Variants in FBLN2 observed in about 807,000 individuals in gnomAD.
The protein encoded by FBLN2 is fibulin-2.
A neutral mutation model predicts 123.7 loss-of-function variants in FBLN2; 81 were observed. That is an observed-to-expected ratio of 0.65 (90% CI 0.55 to 0.79). The LOEUF (loss-of-function observed/expected upper bound fraction) is 0.79. FBLN2 is among the 30% of genes least tolerant of loss of function. The pLI is 0.00. For synonymous variants in FBLN2, 699 were observed against 701.4 expected, an observed-to-expected ratio of 1.00 and a Z score of 0.05; for missense variants, 1,603 against 1,681.3, an observed-to-expected ratio of 0.95 and a Z score of 0.81.
chr3:13,602,676 T>C (rs6771311), intron 2 of FBLN2, among the ~76,000 whole-genome samples: 63,107 of 152,040 alleles, frequency 0.42, 13,174 homozygotes, highest in Non-Finnish European at 0.43. Flanking sequence ...GGGAATTTTT[T>C]CCTATTAACT....
At chr3:13,625,551 C>A (rs1184065556) in intron 9 of FBLN2, among the ~76,000 whole-genome samples, 1 of 152,138 alleles carries the variant, frequency 6.6e-6, no homozygotes, top group Admixed American at 6.5e-5. Flanking sequence ...TCCCCTGCAG[C>A]CTACACCTCA....
chr3:13,560,061 A>G (rs923202185), intron 1 of FBLN2, among the ~76,000 whole-genome samples: 1 of 152,170 alleles, frequency 6.6e-6, no homozygotes, highest in Non-Finnish European at 1.5e-5. Flanking sequence ...GGGAAGGAAA[A>G]TACCAGCTCC....
chr3:13,612,542 G>A (rs1266265858), intron 4 of FBLN2, among the ~76,000 whole-genome samples: 14 of 151,892 alleles, frequency 9.2e-5, no homozygotes, highest in Middle Eastern at 3.4e-3. Context: ...CACCACGCCC[G>A]GCTGATTTTT....
chr3:13,638,369 A>G lies in FBLN2; in HGVS notation c.*450A>G. On this transcript the variant is annotated 3_prime_UTR_variant, in exon 18 of 18. Coordinates refer to ENST00000404922, the MANE Select transcript of FBLN2 (RefSeq NM_001004019.2). ...TGTACATTATATAAAAAAAAGTTCA[A>G]CTAGTATGAAAGGGTTATAAAGTAA... is the stretch of plus-strand genomic sequence containing the variant. 1 of 371,254 alleles carries G rather than the reference A, an allele frequency of 2.7e-6. No individual in the cohort carries two copies. The highest frequency in any genetic ancestry group is 5.0e-6 in the Non-Finnish European group (1 of 199,764). 23.0% of individuals were successfully genotyped at this position (371,254 alleles called of 1,614,324 possible).
intron 4 of FBLN2, 49 bp from the exon 5 acceptor site, chr3:13,613,935 T>C (rs755989543): frequency 4.4e-6 from 7 of 1,581,064 alleles, no homozygotes; most frequent in Middle Eastern, 3.4e-4. Context: ...TGAGCCTAGC[T>C]CCAGGCTGGG....
chr3:13,605,540 G>T (rs1370328679), intron 2 of FBLN2, among the ~76,000 whole-genome samples: 1 of 152,168 alleles, frequency 6.6e-6, no homozygotes, highest in African/African-American at 2.4e-5. Context: ...TGTGTATCCA[G>T]TCTATTGTTT....
intron 2 of FBLN2, among the ~76,000 whole-genome samples, chr3:13,603,825 A>G (rs983314126): frequency 3.3e-5 from 5 of 152,232 alleles, no homozygotes; most frequent in Non-Finnish European, 4.4e-5. Flanking sequence ...GTCTTCCACA[A>G]TGGTTGAACT....
chr3:13,594,544 A>G (rs1178430660), intron 2 of FBLN2, among the ~76,000 whole-genome samples: 1 of 152,104 alleles, frequency 6.6e-6, no homozygotes, highest in Non-Finnish European at 1.5e-5. Flanking sequence ...TAAACCCTGT[A>G]TGTTTAAACC....
In FBLN2 at chr3:13,609,548, A is replaced by T; in HGVS notation, c.1454A>T (p.Gln485Leu). ...AQRHCCVSYL[Q>L]EKSCMAGVLG... The stretch of plus-strand genomic sequence containing the variant: ...AGGCACTGCTGTGTCTCCTACTTGC[A>T]GGAGAAGAGCTGCATGGCCGGCGTC... The change falls in exon 4 of 18, where the codon CAG becomes CTG. Residue 485 changes from glutamine (Q) to leucine (L), a missense_variant. Transcript: ENST00000404922. 1.3e-6 allele frequency: 2 copies of T among 1,552,502 alleles called. No individual in the cohort carries two copies. Among genetic ancestry groups the T allele is most frequent in the Middle Eastern group, 3.6e-4 (2 of 5,594 alleles).
intron 4 of FBLN2, among the ~76,000 whole-genome samples, chr3:13,611,101 G>A (rs1028521691): frequency 6.6e-6 from 1 of 151,778 alleles, no homozygotes; most frequent in Admixed American, 6.6e-5. Context: ...TAGAGCATAC[G>A]CCACCATGCT....
At chr3:13,628,620 G>A (rs1340212958) in intron 11 of FBLN2, among the ~76,000 whole-genome samples, 4 of 152,204 alleles carry the variant, frequency 2.6e-5, no homozygotes, top group East Asian at 1.9e-4. Context: ...CCCCTGGCAC[G>A]TGGTTGGTGT....
At position 13,608,173 on chromosome 3, in the gene FBLN2, G is replaced by A. The variant is rs1574978825; in HGVS notation, c.1418G>A (p.Arg473Lys). 6.3e-7 allele frequency: 1 copy of A among 1,575,846 alleles called. No homozygotes were observed. The highest frequency in any genetic ancestry group is 1.2e-5 in the South Asian group (1 of 85,620). The stretch of plus-strand genomic sequence containing the variant: ...AGTGGCACTGAGGACAACGTCTGCA[G>A]GTAGGGTGGGCTCCCTGGAGCAGGC... ...PESGTEDNVC[R>K]TAQRHCCVSY... Residue 473 changes from arginine (R) to lysine (K), a missense_variant and splice_region_variant, in exon 3 of 18, where the codon AGG becomes AAG. Transcript: ENST00000404922.
rs537427450 is a variant in FBLN2 at position 13,550,752 on chromosome 3, C to T, written c.-42+1544C>T. 4.6e-5 allele frequency among the ~76,000 whole-genome samples: 7 copies of T among 152,274 alleles called. No individual in the cohort carries two copies. The East Asian group carries it at 5.8e-4, about 13-fold the overall frequency. ...CCCCTGGGGTGCACCCTTGACTTCC[C>T]GCCCTCCCCTTCTGCAGCTGAGCTG... On this transcript the variant is annotated intron_variant, in intron 1 of 17. Transcript: ENST00000404922.
chr3:13,585,680 C>T (rs1467186388), intron 2 of FBLN2, among the ~76,000 whole-genome samples: 1 of 152,126 alleles, frequency 6.6e-6, no homozygotes, highest in East Asian at 1.9e-4. Flanking sequence ...AATCCCAGCA[C>T]TTTGGGAGGC....
intron 1 of FBLN2, among the ~76,000 whole-genome samples, chr3:13,551,116 G>A (rs777191525): frequency 6.6e-6 from 1 of 152,208 alleles, no homozygotes; most frequent in Non-Finnish European, 1.5e-5. Flanking sequence ...TGCCTGGCCT[G>A]CGTGGCCTTT....
chr3:13,557,853 C>A (rs550399898), intron 1 of FBLN2, among the ~76,000 whole-genome samples: 1 of 152,362 alleles, frequency 6.6e-6, no homozygotes, highest in South Asian at 2.1e-4. Flanking sequence ...TGCCCAGCAG[C>A]CTAGTGGCAG....
chr3:13,617,605 ATCCATCC>A (rs1389501399), intron 5 of FBLN2, among the ~76,000 whole-genome samples: 1 of 142,346 alleles, frequency 7.0e-6, no homozygotes, highest in Non-Finnish European at 1.5e-5. Context: ...CCATCCATCC[ATCCATCC>A]ATCCATCCAC....
At chr3:13,630,656 C>T (rs1172492506) in intron 14 of FBLN2, 43 bp from the exon 15 acceptor site, 4 of 1,501,794 alleles carry the variant, frequency 2.7e-6, no homozygotes, top group East Asian at 2.4e-5. Flanking sequence ...CTCTCCAAGG[C>T]AGACTTGGGC....
intron 16 of FBLN2, among the ~76,000 whole-genome samples, chr3:13,635,440 C>T (rs9838270): frequency 0.86 from 131,188 of 152,122 alleles, 56,769 homozygotes; most frequent in East Asian, 0.98. Context: ...TCTGAGCTTT[C>T]GTGAATGGTA....
Sources: gnomAD v4.1 joint callset for allele counts (sites outside exome capture counted in the v4.1 genomes callset) on GRCh38, gnomAD v4.1.1 for gene constraint, MANE v1.5 for transcripts, NCBI Gene and HGNC (gene_info 2026-07-23, HGNC 2026-07-21) for gene names.